Variants in TBC1D8 observed in about 807,000 individuals in gnomAD.
TBC1D8 encodes BUB2-like protein 1.
A neutral mutation model predicts 118.8 loss-of-function variants in TBC1D8; 65 were observed. The ratio of observed to expected loss-of-function variants is 0.55; its 90% CI spans 0.45 to 0.67. The LOEUF (loss-of-function observed/expected upper bound fraction) is 0.67. TBC1D8 is among the 30% of genes least tolerant of loss of function. The pLI, the probability that TBC1D8 is intolerant of heterozygous loss-of-function variation, is 0.00. For synonymous variants in TBC1D8, 566 were observed against 595.8 expected (o/e 0.95, Z 0.73); for missense variants, 1,376 against 1,471.2 (o/e 0.94, Z 1.06).
At chr2:101,013,119 G>A (rs901009813) in intron 17 of TBC1D8, among the ~76,000 whole-genome samples, 7 of 152,218 alleles carry the variant, frequency 4.6e-5, no homozygotes, top group African/African-American at 1.7e-4. Context: ...GGGTGGGCAA[G>A]TGTCCAGAAA....
intron 1 of TBC1D8, among the ~76,000 whole-genome samples, chr2:101,146,967 T>C (rs1679342365): frequency 6.6e-6 from 1 of 152,252 alleles, no homozygotes. Context: ...TTTGTCTTTC[T>C]GTGCCTGGCT....
intron 1 of TBC1D8, among the ~76,000 whole-genome samples, chr2:101,143,487 G>T (rs1350478186): frequency 6.6e-6 from 1 of 152,146 alleles, no homozygotes; most frequent in East Asian, 1.9e-4. Flanking sequence ...TTGTTGGCTG[G>T]TGATACACTA....
At chr2:101,013,208 C>T (rs564405420) in intron 17 of TBC1D8, among the ~76,000 whole-genome samples, 24 of 152,062 alleles carry the variant, frequency 1.6e-4, no homozygotes, top group Non-Finnish European at 3.2e-4. Flanking sequence ...CAACCTCTGC[C>T]GTCACAGCAT....
rs1207250684 is a variant in TBC1D8 at position 101,029,638 on chromosome 2, G to A, written c.2075C>T (p.Pro692Leu). Residue 692 changes from proline (P) to leucine (L), a missense_variant, in exon 12 of 20, where the codon CCT becomes CTT. Physicochemically the swap from Pro to Leu is moderately conservative, Grantham distance 98. Coordinates refer to ENST00000409318, the MANE Select transcript of TBC1D8 (RefSeq NM_001330348.2). ...WFLTLFLSIM[P>L]LESAVNVVDC... Reference sequence around the variant, plus strand: ...TACCACATTCACCGCACTCTCTAGAGGCATGATGCTGAGGAACAGGGTCAG... The same window carrying A: ...TACCACATTCACCGCACTCTCTAGAAGCATGATGCTGAGGAACAGGGTCAG... The A allele has an allele frequency of 1.2e-6, 2 of 1,613,888 alleles. No individual in the cohort carries two copies.
At position 101,105,592 on chromosome 2, in the gene TBC1D8, T is replaced by TTAA. The variant is rs767405279; in HGVS notation, c.128-15229_128-15228insTTA. ...TGACAGACCAGACTCTGTCTCAAATTAAAAAAAAAAAAAAAACATATATAT... is the reference window on the plus strand; with the variant it reads ...TGACAGACCAGACTCTGTCTCAAATTTAAAAAAAAAAAAAAAAAACATATATAT... On this transcript the variant is annotated intron_variant, in intron 1 of 19. Transcript: ENST00000409318. 5.7e-3 allele frequency among the ~76,000 whole-genome samples: 707 copies of TTAA among 124,682 alleles called. 3 individuals carry two copies. The highest frequency in any genetic ancestry group is 0.016 in the Admixed American group (188 of 12,068). 81.8% of individuals were successfully genotyped at this position (124,682 alleles called of 152,430 possible).
chr2:101,078,326 G>C (rs1009138488), intron 2 of TBC1D8, among the ~76,000 whole-genome samples: 2 of 152,142 alleles, frequency 1.3e-5, no homozygotes, highest in Non-Finnish European at 2.9e-5. Context: ...AGAGACTTTA[G>C]AAACACAACC....
chr2:101,035,709 G>A (rs1316448206), intron 9 of TBC1D8, among the ~76,000 whole-genome samples: 1 of 152,152 alleles, frequency 6.6e-6, no homozygotes, highest in Non-Finnish European at 1.5e-5. Context: ...TTCACTTCCA[G>A]GGGGTTCTGA....
intron 1 of TBC1D8, among the ~76,000 whole-genome samples, chr2:101,122,699 T>A (rs894826307): frequency 6.6e-6 from 1 of 152,182 alleles, no homozygotes; most frequent in South Asian, 2.1e-4. Context: ...CCGAAATGAA[T>A]TGAAAACTCA....
intron 1 of TBC1D8, among the ~76,000 whole-genome samples, chr2:101,126,357 A>ATTATG (rs1285978593): frequency 6.6e-6 from 1 of 152,220 alleles, no homozygotes; most frequent in Non-Finnish European, 1.5e-5. Context: ...GTGGGGCCAC[A>ATTATG]CAAACCATAT....
chr2:101,038,881 C>G (rs925104319), intron 6 of TBC1D8, among the ~76,000 whole-genome samples: 1 of 152,008 alleles, frequency 6.6e-6, no homozygotes, highest in Non-Finnish European at 1.5e-5. Context: ...CATACATCGG[C>G]GTATGACCCA....
intron 4 of TBC1D8, among the ~76,000 whole-genome samples, chr2:101,052,025 T>C (rs1169632432): frequency 6.6e-6 from 1 of 152,232 alleles, no homozygotes; most frequent in Non-Finnish European, 1.5e-5. Context: ...AATACCAAGT[T>C]AACAACATAT....
intron 5 of TBC1D8, among the ~76,000 whole-genome samples, chr2:101,042,453 C>T (rs1283800116): frequency 6.6e-6 from 1 of 152,128 alleles, no homozygotes; most frequent in African/African-American, 2.4e-5. Context: ...TACTCTGTAA[C>T]CCCGAATGAG....
intron 3 of TBC1D8, 105 bp downstream of exon 3, chr2:101,059,316 A>G: frequency 1.2e-6 from 1 of 864,800 alleles, no homozygotes; most frequent in East Asian, 2.5e-5. Flanking sequence ...TATTGAGCCA[A>G]AAGTTCAGTT....
At chr2:101,045,024 G>A (rs757894465) in intron 5 of TBC1D8, among the ~76,000 whole-genome samples, 13 of 152,152 alleles carry the variant, frequency 8.5e-5, no homozygotes, top group Non-Finnish European at 1.3e-4. Flanking sequence ...TGGGATTACC[G>A]CGCCCAGCCC....
At chr2:101,010,809 G>C in intron 19 of TBC1D8, 120 bp downstream of exon 19, 1 of 739,978 alleles carries the variant, frequency 1.4e-6, no homozygotes, top group Non-Finnish European at 2.2e-6. Flanking sequence ...TTGAACCCTG[G>C]AGGTGGAGGT....
intron 14 of TBC1D8, 54 bp from the exon 15 acceptor site, chr2:101,027,505 G>T: frequency 6.4e-7 from 1 of 1,558,952 alleles, no homozygotes; most frequent in Non-Finnish European, 8.8e-7. Flanking sequence ...CACCCCCAGG[G>T]GTCAGGGCAA....
At chr2:101,109,773 G>A in intron 1 of TBC1D8, 3 of 984,440 alleles carry the variant, frequency 3.0e-6, no homozygotes, top group Middle Eastern at 5.2e-4. Context: ...TCTTCTACTG[G>A]GTGAGGACTG....
intron 5 of TBC1D8, among the ~76,000 whole-genome samples, chr2:101,047,543 C>G (rs1681786556): frequency 6.6e-6 from 1 of 152,210 alleles, no homozygotes; most frequent in African/African-American, 2.4e-5. Flanking sequence ...TACCCACAGG[C>G]CCACGTCTCC....
chr2:101,090,087 A>T, intron 2 of TBC1D8, 122 bp downstream of exon 2: 1 of 1,016,918 alleles, frequency 9.8e-7, no homozygotes, highest in Non-Finnish European at 1.4e-6. Context: ...GAGGGGAGTT[A>T]AGTTCCTGAA....
Sources: gnomAD v4.1 joint callset for allele counts (sites outside exome capture counted in the v4.1 genomes callset) on GRCh38, gnomAD v4.1.1 for gene constraint, MANE v1.5 for transcripts, NCBI Gene and HGNC (gene_info 2026-07-23, HGNC 2026-07-21) for gene names.